Variants in LAMP3 observed in about 807,000 individuals in gnomAD.
The protein encoded by LAMP3 is lysosome-associated membrane glycoprotein 3.
In LAMP3, 26 loss-of-function variants were observed where a neutral mutation model predicts 34.8. That is an observed-to-expected ratio of 0.75 (90% CI 0.55 to 1.04). The LOEUF (loss-of-function observed/expected upper bound fraction) is 1.04, where lower values mean the gene tolerates loss of function less well. Among genes scored for constraint, LAMP3 ranks in the 50% least tolerant of loss-of-function variants. The probability of loss-of-function intolerance (pLI) is 0.00; values close to 1 mark genes in which losing one functional copy is unlikely to be tolerated. For missense variants in LAMP3, 495 were observed against 524.0 expected (o/e 0.94, Z 0.54); for synonymous variants, 180 against 201.9 (o/e 0.89, Z 0.92).
intron 5 of LAMP3, among the ~76,000 whole-genome samples, chr3:183,131,563 G>A (rs1203278768): frequency 6.6e-6 from 1 of 152,166 alleles, no homozygotes; most frequent in East Asian, 1.9e-4. Flanking sequence ...TGACACTCTG[G>A]ATGTCTTCAG....
At chr3:183,128,933 A>AT (rs142193987) in intron 5 of LAMP3, among the ~76,000 whole-genome samples, 10 of 152,098 alleles carry the variant, frequency 6.6e-5, no homozygotes, top group Non-Finnish European at 2.9e-5. Context: ...GTCAACAAAT[A>AT]TTTTTTTATA....
intron 5 of LAMP3, among the ~76,000 whole-genome samples, chr3:183,133,230 A>G (rs1415970807): frequency 6.6e-6 from 1 of 152,240 alleles, no homozygotes; most frequent in African/African-American, 2.4e-5. Context: ...AGCTGAGGCC[A>G]GGGGAATTCT....
intron 5 of LAMP3, among the ~76,000 whole-genome samples, chr3:183,127,725 A>G (rs971488394): frequency 6.6e-6 from 1 of 152,196 alleles, no homozygotes; most frequent in African/African-American, 2.4e-5. Flanking sequence ...CTGTGTGAAC[A>G]ACGTTTTGGT....
rs1325357662 is a variant in LAMP3, at chr3:183,145,905, T to TA, written c.889-5311dup. 7.2e-5 allele frequency among the ~76,000 whole-genome samples: 11 copies of TA among 152,222 alleles called. No individual in the cohort carries two copies. The East Asian group carries it at 2.1e-3, about 29-fold the overall frequency. Reference sequence around the variant, plus strand: ...CCCTACAGATTGAAAGCGGGAACTATAGCCTATATTTCTGTTATTTTTCTT... The same window carrying TA: ...CCCTACAGATTGAAAGCGGGAACTATAAGCCTATATTTCTGTTATTTTTCTT... On this transcript the variant is annotated intron_variant, in intron 3 of 5. Transcript: ENST00000265598.
Position 183,123,975 on chromosome 3 carries a change from A to T in LAMP3, c.*106T>A. ...TCATTTGAATAGAAGATGGTGGTTT[A>T]CATTGTTTGAAGGACCCACACTCTG... On this transcript the variant is annotated 3_prime_UTR_variant, in exon 6 of 6. Coordinates refer to ENST00000265598, the MANE Select transcript of LAMP3 (RefSeq NM_014398.4). 8.3e-7 allele frequency: 1 copy of T among 1,210,260 alleles called. No individual in the cohort carries two copies. Among genetic ancestry groups the T allele is most frequent in the Non-Finnish European group, 1.2e-6 (1 of 833,362 alleles). 75.0% of individuals were successfully genotyped at this position (1,210,260 alleles called of 1,614,324 possible).
chr3:183,137,416 T>C lies in LAMP3; in HGVS notation c.947-1529A>G, dbSNP rs1394822994. ...TGCTTGCTAAGCACCCTTCTGACTA[T>C]ACTGTAGCTTCTTGAATGGTAGAAA... On this transcript the variant is annotated intron_variant, in intron 4 of 5. Coordinates refer to ENST00000265598, the MANE Select transcript of LAMP3 (RefSeq NM_014398.4). Among the ~76,000 whole-genome samples the C allele has an allele frequency of 2.6e-5, 4 of 152,218 alleles. No individual in the cohort carries two copies. The East Asian group carries it at 7.7e-4, about 29-fold the overall frequency.
At chr3:183,139,906 A>T (rs941826915) in intron 4 of LAMP3, among the ~76,000 whole-genome samples, 1 of 152,230 alleles carries the variant, frequency 6.6e-6, no homozygotes, top group Admixed American at 6.5e-5. Context: ...AGTAGAATGA[A>T]TGTATGATTC....
At chr3:183,150,995 G>A (rs909526537) in intron 3 of LAMP3, among the ~76,000 whole-genome samples, 5 of 152,034 alleles carry the variant, frequency 3.3e-5, no homozygotes, top group African/African-American at 4.8e-5. Flanking sequence ...CTTCTCAAGC[G>A]CAACTCTACC....
chr3:183,140,839 C>T (rs1312091910), intron 3 of LAMP3, among the ~76,000 whole-genome samples: 2 of 152,214 alleles, frequency 1.3e-5, no homozygotes, highest in East Asian at 1.9e-4. Context: ...GTTGCTAGGG[C>T]CTGGTATTCA....
In LAMP3 at chr3:183,135,873, C is replaced by T. The variant is rs200866582; in HGVS notation, c.961G>A (p.Gly321Arg). Reference protein sequence around the residue: ...TVSDPETIYQGIKHAVVMFQT... With the variant: ...TVSDPETIYQRIKHAVVMFQT... Reference sequence around the variant, plus strand: ...AACATCACCACCGCATGTTTGATTCCTTGGTAAATTGTCTCTGAAAAGGTG... The same window carrying T: ...AACATCACCACCGCATGTTTGATTCTTTGGTAAATTGTCTCTGAAAAGGTG... Residue 321 changes from glycine to arginine, a missense_variant, in exon 5 of 6, where the codon GGA becomes AGA. By Grantham distance (125) the Gly-to-Arg change is moderately radical. Coordinates refer to ENST00000265598, the MANE Select transcript of LAMP3 (RefSeq NM_014398.4). 1.9e-5 allele frequency: 31 copies of T among 1,613,492 alleles called. No individual in the cohort carries two copies. The highest frequency in any genetic ancestry group is 4.2e-6 in the Non-Finnish European group (5 of 1,179,540).
At chr3:183,149,403 G>GGTGGTGC (rs1720544552) in intron 3 of LAMP3, among the ~76,000 whole-genome samples, 1 of 151,486 alleles carries the variant, frequency 6.6e-6, no homozygotes, top group Admixed American at 6.6e-5. Context: ...AGCCAGGCGT[G>GGTGGTGC]GTGGTGCGTG....
At chr3:183,155,645 C>T (rs1019631531) in intron 1 of LAMP3, among the ~76,000 whole-genome samples, 1 of 152,164 alleles carries the variant, frequency 6.6e-6, no homozygotes, top group African/African-American at 2.4e-5. Context: ...ATCAGCCTGG[C>T]CAGTATGTAC....
chr3:183,146,703 T>C (rs1454711460), intron 3 of LAMP3, among the ~76,000 whole-genome samples: 1 of 151,774 alleles, frequency 6.6e-6, no homozygotes, highest in East Asian at 2.0e-4. Context: ...AATTTTTGTA[T>C]TTTTAGTAGA....
intron 5 of LAMP3, chr3:183,131,950 C>T (rs1251178220): frequency 1.1e-5 from 11 of 985,250 alleles, no homozygotes; most frequent in African/African-American, 1.7e-5. Flanking sequence ...TGAATGTTTG[C>T]GTAAAAGGGA....
intron 4 of LAMP3, among the ~76,000 whole-genome samples, chr3:183,138,119 G>A (rs560798977): frequency 1.5e-4 from 23 of 151,902 alleles, no homozygotes; most frequent in East Asian, 5.8e-4. Context: ...CACTGCACCC[G>A]GACTCCCCTA....
At chr3:183,155,612 G>A (rs1720800441) in intron 1 of LAMP3, among the ~76,000 whole-genome samples, 1 of 152,140 alleles carries the variant, frequency 6.6e-6, no homozygotes, top group Non-Finnish European at 1.5e-5. Context: ...GTATATATGG[G>A]GATGGTATTC....
At chr3:183,154,519 T>C (rs942911673) in intron 1 of LAMP3, 128 bp from the exon 2 acceptor site, 2 of 692,348 alleles carry the variant, frequency 2.9e-6, no homozygotes, top group Non-Finnish European at 4.8e-6. Flanking sequence ...TGGGGGAAAT[T>C]TGCAAGGGTA....
At chr3:183,157,504 A>G (rs1720856595) in intron 1 of LAMP3, among the ~76,000 whole-genome samples, 1 of 152,238 alleles carries the variant, frequency 6.6e-6, no homozygotes, top group Non-Finnish European at 1.5e-5. Context: ...GCCCCATTAG[A>G]TTCATACTAT....
chr3:183,154,419 A>G (rs761919903), intron 1 of LAMP3, 28 bp from the exon 2 acceptor site: 1 of 1,518,552 alleles, frequency 6.6e-7, no homozygotes, highest in Non-Finnish European at 9.0e-7. Flanking sequence ...AAAGTGTTAA[A>G]AACACTAACC....
Sources: gnomAD v4.1 joint callset for allele counts (sites outside exome capture counted in the v4.1 genomes callset) on GRCh38, gnomAD v4.1.1 for gene constraint, MANE v1.5 for transcripts, NCBI Gene and HGNC (gene_info 2026-07-23, HGNC 2026-07-21) for gene names.